The following OTUD7A variants were observed in gnomAD, a reference collection of about 807,000 sequenced individuals.
The protein encoded by OTUD7A is OTU domain-containing protein 7A.
OTUD7A carries 12 observed loss-of-function variants against 65.7 expected under a neutral mutation model. The ratio of observed to expected loss-of-function variants is 0.18; its 90% confidence interval spans 0.12 to 0.30. The LOEUF is 0.30. OTUD7A is among the 10% of genes least tolerant of loss of function. OTUD7A has a pLI of 1.00. For missense variants in OTUD7A, 1,148 were observed against 1,304.8 expected (o/e 0.88, Z 1.85); for synonymous variants, 641 against 586.3 (o/e 1.09, Z -1.35).
chr15:31,843,949 G>A (rs1193028464), intron 1 of OTUD7A, among the ~76,000 whole-genome samples: 1 of 152,170 alleles, frequency 6.6e-6, no homozygotes, highest in East Asian at 1.9e-4. Flanking sequence ...AGCCAGGCAG[G>A]AGGGCCATGA....
intron 1 of OTUD7A, among the ~76,000 whole-genome samples, chr15:31,782,938 T>C (rs1460098660): frequency 6.6e-6 from 1 of 152,080 alleles, no homozygotes; most frequent in East Asian, 1.9e-4. Flanking sequence ...AGGTGTAGCT[T>C]GGGGAACCTG....
intron 1 of OTUD7A, among the ~76,000 whole-genome samples, chr15:31,786,813 C>T (rs1185031630): frequency 6.6e-6 from 1 of 152,100 alleles, no homozygotes; most frequent in African/African-American, 2.4e-5. Context: ...GTCGAAGCAT[C>T]CCAGAGTTCT....
At chr15:31,859,275 G>T (rs189942729) in intron 1 of OTUD7A, among the ~76,000 whole-genome samples, 1 of 152,222 alleles carries the variant, frequency 6.6e-6, no homozygotes, top group African/African-American at 2.4e-5. Context: ...GTTGTACATG[G>T]AAGGGCTAAA....
intron 1 of OTUD7A, among the ~76,000 whole-genome samples, chr15:31,727,180 T>C (rs1419014494): frequency 1.3e-5 from 2 of 152,230 alleles, no homozygotes; most frequent in African/African-American, 4.8e-5. Context: ...ATTCTCAGCC[T>C]GGTATCCCAT....
chr15:31,546,825 A>G (rs768727838), intron 5 of OTUD7A, among the ~76,000 whole-genome samples: 4 of 152,218 alleles, frequency 2.6e-5, no homozygotes, highest in Non-Finnish European at 5.9e-5. Context: ...CAACTCTATG[A>G]ATGAATTGCA....
chr15:31,583,364 G>A (rs1889431110), intron 3 of OTUD7A, among the ~76,000 whole-genome samples: 2 of 152,188 alleles, frequency 1.3e-5, no homozygotes, highest in African/African-American at 2.4e-5. Flanking sequence ...AAGCTCCTGT[G>A]AAGCACCTGC....
At chr15:31,494,414 A>G (rs761553793) in intron 10 of OTUD7A, among the ~76,000 whole-genome samples, 109 of 152,316 alleles carry the variant, frequency 7.2e-4, no homozygotes, top group Middle Eastern at 3.4e-3. Flanking sequence ...TGGCTCCTGG[A>G]TCTTGTATTC....
intron 1 of OTUD7A, among the ~76,000 whole-genome samples, chr15:31,834,347 G>A (rs1301710901): frequency 2.0e-5 from 3 of 152,316 alleles, no homozygotes; most frequent in East Asian, 3.9e-4. Flanking sequence ...CAGGATGACC[G>A]CCAACAGCTC....
intron 1 of OTUD7A, among the ~76,000 whole-genome samples, chr15:31,723,461 C>G (rs967223836): frequency 5.7e-4 from 82 of 144,516 alleles, no homozygotes; most frequent in Non-Finnish European, 1.0e-3. Context: ...CCAGCCTTGC[C>G]GAGAGAAAGA....
At chr15:31,763,534 A>G (rs933947408) in intron 1 of OTUD7A, among the ~76,000 whole-genome samples, 1 of 152,156 alleles carries the variant, frequency 6.6e-6, no homozygotes, top group Non-Finnish European at 1.5e-5. Flanking sequence ...GAGACTCAGG[A>G]AACTGAGGGA....
intron 1 of OTUD7A, among the ~76,000 whole-genome samples, chr15:31,726,636 T>C (rs1172045431): frequency 1.3e-5 from 2 of 152,212 alleles, no homozygotes; most frequent in Non-Finnish European, 2.9e-5. Context: ...AAGACGTATA[T>C]TCCTTAAGAA....
chr15:31,536,210 G>T, intron 5 of OTUD7A, among the ~76,000 whole-genome samples: 1 of 152,230 alleles, frequency 6.6e-6, no homozygotes, highest in East Asian at 1.9e-4. Flanking sequence ...ACTCATGGCT[G>T]CTTTTCAAAA....
chr15:31,508,542 C>T (rs1305908502), intron 8 of OTUD7A, among the ~76,000 whole-genome samples: 2 of 152,156 alleles, frequency 1.3e-5, no homozygotes, highest in Non-Finnish European at 2.9e-5. Context: ...TTAGTAGAGA[C>T]GGGGTTTCAC....
rs1891548605 is a variant in OTUD7A, at chr15:31,642,552, T to TA, written c.151+12543dup. Reference sequence around the variant, plus strand: ...TGTGAGAAAGTTTTCAACTACAACTTAGATTTCTTTAATAAATATAGACCT... The same window carrying TA: ...TGTGAGAAAGTTTTCAACTACAACTTAAGATTTCTTTAATAAATATAGACCT... On this transcript the variant is annotated intron_variant, in intron 3 of 12. Transcript: ENST00000307050. Among the ~76,000 whole-genome samples, 7 of 152,266 alleles carry TA rather than the reference T, an allele frequency of 4.6e-5. No homozygotes were observed. In the South Asian group the frequency reaches 1.4e-3, roughly 32 times the overall value.
chr15:31,821,791 T>C (rs1394002665), intron 1 of OTUD7A, among the ~76,000 whole-genome samples: 8 of 152,242 alleles, frequency 5.3e-5, no homozygotes, highest in South Asian at 4.1e-4. Context: ...GTCTGTGTTT[T>C]TGATTCTACA....
chr15:31,583,368 C>A (rs1247477825), intron 3 of OTUD7A, among the ~76,000 whole-genome samples: 1 of 152,172 alleles, frequency 6.6e-6, no homozygotes, highest in Non-Finnish European at 1.5e-5. Context: ...TCCTGTGAAG[C>A]ACCTGCTTTG....
At position 31,477,915 on chromosome 15, in the gene OTUD7A, C is replaced by G. The variant is rs1047621972; in HGVS notation, c.*5379G>C. On this transcript the variant is annotated 3_prime_UTR_variant, in exon 13 of 13. Coordinates refer to ENST00000307050, the MANE Select transcript of OTUD7A (RefSeq NM_001382637.1). ...GGGAGGGAGGGTGGGGTGTGTTGTC[C>G]TTTTAAATAAGTCAGGGAAGGCCTC... 2.0e-5 allele frequency: 3 copies of G among 152,094 alleles called. No homozygotes were observed. The highest frequency in any genetic ancestry group is 4.8e-5 in the African/African-American group (2 of 41,388). 9.4% of individuals were successfully genotyped at this position (152,094 alleles called of 1,614,324 possible).
rs1595569492 is a variant in OTUD7A, at chr15:31,511,101, T to TGTA, written c.894-7284_894-7283insTAC. ...TATCTATATGTAACATACATATGTA[T>TGTA]ATCTATATGTAACATACATATGTAT... On this transcript the variant is annotated intron_variant, in intron 8 of 12. Transcript: ENST00000307050. 1.9e-4 allele frequency among the ~76,000 whole-genome samples: 8 copies of TGTA among 42,792 alleles called. 2 individuals are homozygous for TGTA. The South Asian group carries it at 4.0e-3, about 21-fold the overall frequency. The allele number at this position is 42,792 out of a possible 152,430, so 28.1% of individuals were successfully genotyped here. A position where few individuals can be genotyped will look rare whatever the true frequency, so the allele number is the denominator to read the frequency against.
intron 5 of OTUD7A, among the ~76,000 whole-genome samples, chr15:31,537,230 G>A (rs1450455996): frequency 6.6e-6 from 1 of 152,102 alleles, no homozygotes; most frequent in Non-Finnish European, 1.5e-5. Flanking sequence ...AAACTTCTTG[G>A]TTCTTTGTTT....
Sources: gnomAD v4.1 joint callset for allele counts (sites outside exome capture counted in the v4.1 genomes callset) on GRCh38, gnomAD v4.1.1 for gene constraint, MANE v1.5 for transcripts, NCBI Gene and HGNC (gene_info 2026-07-23, HGNC 2026-07-21) for gene names.